Variants in TBC1D1 observed in about 807,000 individuals in gnomAD.
TBC1D1 encodes the protein TBC1 (tre-2/USP6, BUB2, cdc16) domain family, member 1.
In TBC1D1, 89 loss-of-function variants were observed where a neutral mutation model predicts 125.6. That is an observed-to-expected ratio of 0.71 (90% CI 0.60 to 0.85). The LOEUF is 0.85. TBC1D1 is among the 40% of genes least tolerant of loss of function. The pLI, the probability that TBC1D1 is intolerant of heterozygous loss-of-function variation, is 0.00. For missense variants in TBC1D1, 1,377 were observed against 1,469.2 expected, an observed-to-expected ratio of 0.94 and a Z score of 1.03; for synonymous variants, 565 against 564.1, an observed-to-expected ratio of 1.00 and a Z score of -0.02.
chr4:38,127,723 T>C (rs774250094), intron 18 of TBC1D1, among the ~76,000 whole-genome samples: 1 of 152,142 alleles, frequency 6.6e-6, no homozygotes, highest in Non-Finnish European at 1.5e-5. Flanking sequence ...GTATTATAAT[T>C]CCTATTTTTA....
chr4:37,891,912 A>G (rs961399757), intron 1 of TBC1D1, among the ~76,000 whole-genome samples: 2 of 151,810 alleles, frequency 1.3e-5, no homozygotes, highest in African/African-American at 4.8e-5. Context: ...ACCAGGCATT[A>G]AGGTTTTGTT....
intron 1 of TBC1D1, among the ~76,000 whole-genome samples, chr4:37,896,931 T>C (rs1362347842): frequency 6.6e-6 from 1 of 152,174 alleles, no homozygotes; most frequent in East Asian, 1.9e-4. Flanking sequence ...GTGTCTTGGG[T>C]AGCTACTATG....
At chr4:38,046,233 G>A (rs572571790) in intron 10 of TBC1D1, among the ~76,000 whole-genome samples, 111 of 152,090 alleles carry the variant, frequency 7.3e-4, no homozygotes, top group Middle Eastern at 3.4e-3. Context: ...TTAGCCGGGC[G>A]TGGTGGCGGG....
At chr4:38,112,335 A>G (rs1379476104) in intron 15 of TBC1D1, among the ~76,000 whole-genome samples, 1 of 152,256 alleles carries the variant, frequency 6.6e-6, no homozygotes, top group African/African-American at 2.4e-5. Context: ...ATGGCTCTGC[A>G]AAGTTGTTCC....
chr4:38,125,403 G>A lies in TBC1D1; in HGVS notation c.3132+272G>A, dbSNP rs1238853105. 2.6e-5 allele frequency among the ~76,000 whole-genome samples: 4 copies of A among 152,306 alleles called. No homozygotes were observed. In the South Asian group the frequency reaches 8.3e-4, roughly 32 times the overall value. The stretch of plus-strand genomic sequence containing the variant: ...TATTAGTAGTTTCTTACATTTAAGA[G>A]ACTTCAGCTCTAGTAGCTTGTTCTT... On this transcript the variant is annotated intron_variant, in intron 18 of 19. Transcript: ENST00000261439.
At chr4:38,065,644 CTTTTT>C (rs11447003) in intron 12 of TBC1D1, among the ~76,000 whole-genome samples, 1 of 119,670 alleles carries the variant, frequency 8.4e-6, no homozygotes, top group Non-Finnish European at 1.7e-5. Context: ...GTATTACCGC[CTTTTT>C]TTTTTTTTTT....
chr4:37,980,656 C>G (rs1053797101), intron 2 of TBC1D1, among the ~76,000 whole-genome samples: 2 of 152,130 alleles, frequency 1.3e-5, no homozygotes, highest in Non-Finnish European at 2.9e-5. Context: ...TAAATATAGC[C>G]AAGTTTGCTG....
chr4:38,115,042 G>A (rs1188554074), intron 15 of TBC1D1, among the ~76,000 whole-genome samples: 1 of 151,700 alleles, frequency 6.6e-6, no homozygotes, highest in East Asian at 1.9e-4. Flanking sequence ...GAAGAACTGT[G>A]TGTGTTCCTC....
chr4:38,019,558 T>C (rs1382148539), intron 4 of TBC1D1, among the ~76,000 whole-genome samples: 1 of 152,206 alleles, frequency 6.6e-6, no homozygotes, highest in African/African-American at 2.4e-5. Context: ...GATAGCTTTA[T>C]AATTTCCTAA....
intron 7 of TBC1D1, among the ~76,000 whole-genome samples, chr4:38,033,242 C>G (rs376283898): frequency 3.3e-5 from 5 of 152,130 alleles, no homozygotes; most frequent in African/African-American, 1.2e-4. Context: ...TCTCCAAGCA[C>G]AATATACATT....
intron 2 of TBC1D1, among the ~76,000 whole-genome samples, chr4:37,988,661 G>A (rs1355822654): frequency 6.6e-6 from 1 of 152,150 alleles, no homozygotes; most frequent in Non-Finnish European, 1.5e-5. Flanking sequence ...CACTATAGGT[G>A]AGATGTCTTT....
intron 2 of TBC1D1, among the ~76,000 whole-genome samples, chr4:37,909,711 G>C (rs148397354): frequency 6.6e-6 from 1 of 152,148 alleles, no homozygotes; most frequent in Non-Finnish European, 1.5e-5. Flanking sequence ...TGCTACACAG[G>C]TAATGATTCT....
intron 2 of TBC1D1, among the ~76,000 whole-genome samples, chr4:37,915,331 A>G (rs1719498822): frequency 1.3e-5 from 2 of 152,186 alleles, no homozygotes; most frequent in Non-Finnish European, 2.9e-5. Flanking sequence ...GAGAAATCTC[A>G]TGATCTGCCA....
At position 37,932,602 on chromosome 4, in the gene TBC1D1, G is replaced by A. The variant is rs1370563558; in HGVS notation, c.417+30090G>A. 2.0e-5 allele frequency among the ~76,000 whole-genome samples: 3 copies of A among 152,116 alleles called. No individual in the cohort carries two copies. The East Asian group carries it at 5.8e-4, about 29-fold the overall frequency. ...GTCATTTCAGAGCAGGAATGGCCCT[G>A]GTAAGGCATCAAGTCAAATTCCTTC... On this transcript the variant is annotated intron_variant, in intron 2 of 19. Transcript: ENST00000261439.
At chr4:37,908,261 A>G (rs1210735857) in intron 2 of TBC1D1, among the ~76,000 whole-genome samples, 1 of 152,110 alleles carries the variant, frequency 6.6e-6, no homozygotes, top group African/African-American at 2.4e-5. Context: ...GCTGGAATGC[A>G]GTCGTGCAAT....
chr4:38,032,215 A>C (rs1270854146), intron 7 of TBC1D1, among the ~76,000 whole-genome samples: 1 of 152,194 alleles, frequency 6.6e-6, no homozygotes, highest in Non-Finnish European at 1.5e-5. Context: ...GCTACTCGGG[A>C]GGCTAAGGCA....
chr4:38,094,920 T>A (rs889656487), intron 13 of TBC1D1, among the ~76,000 whole-genome samples: 8 of 152,244 alleles, frequency 5.3e-5, no homozygotes, highest in African/African-American at 9.6e-5. Context: ...TTGACATTTT[T>A]AAAAATTTTT....
At chr4:38,056,248 A>C (rs2152490175) in intron 12 of TBC1D1, among the ~76,000 whole-genome samples, 1 of 152,246 alleles carries the variant, frequency 6.6e-6, no homozygotes, top group South Asian at 2.1e-4. Context: ...TCTCTTCTCC[A>C]GGGGAATTGC....
At chr4:37,947,579 A>G (rs1486726217) in intron 2 of TBC1D1, among the ~76,000 whole-genome samples, 1 of 152,022 alleles carries the variant, frequency 6.6e-6, no homozygotes, top group African/African-American at 2.4e-5. Flanking sequence ...TCCTGTCCCA[A>G]CCTCCCCAGG....
Sources: gnomAD v4.1 joint callset for allele counts (sites outside exome capture counted in the v4.1 genomes callset) on GRCh38, gnomAD v4.1.1 for gene constraint, MANE v1.5 for transcripts, NCBI Gene and HGNC (gene_info 2026-07-23, HGNC 2026-07-21) for gene names.